Variants in LSAMP observed in about 807,000 individuals in gnomAD.
LSAMP encodes the protein limbic system associated membrane protein.
In LSAMP, 7 loss-of-function variants were observed where a neutral mutation model predicts 38.6. The observed-to-expected ratio is 0.18, with a 90% CI of 0.10 to 0.34. LSAMP has a LOEUF of 0.34. Among genes scored for constraint, LSAMP ranks in the 10% least tolerant of loss-of-function variants. LSAMP has a pLI of 1.00. For missense variants in LSAMP, 313 were observed against 420.0 expected (o/e 0.75, Z 2.23); for synonymous variants, 154 against 166.8 (o/e 0.92, Z 0.59).
At chr3:115,930,813 C>T (rs4362711) in intron 3 of LSAMP, among the ~76,000 whole-genome samples, 60,202 of 151,970 alleles carry the variant, frequency 0.4, 12,352 homozygotes, top group South Asian at 0.62. Flanking sequence ...AACACCCTGA[C>T]ACCACAGGGC....
At chr3:116,218,413 C>A (rs1158056347) in intron 1 of LSAMP, among the ~76,000 whole-genome samples, 3 of 152,156 alleles carry the variant, frequency 2.0e-5, no homozygotes, top group Non-Finnish European at 4.4e-5. Context: ...TGTCACCAGA[C>A]TATATTCACA....
chr3:115,899,331 C>T (rs1405331754), intron 3 of LSAMP, among the ~76,000 whole-genome samples: 8 of 151,954 alleles, frequency 5.3e-5, no homozygotes, highest in South Asian at 4.1e-4. Flanking sequence ...TTTCAGAGGG[C>T]ACTGCCTTCC....
At chr3:115,997,753 T>TATATACATAC (rs1377845663) in intron 3 of LSAMP, among the ~76,000 whole-genome samples, 4 of 124,980 alleles carry the variant, frequency 3.2e-5, no homozygotes, top group Admixed American at 8.4e-5. Context: ...TATATATATA[T>TATATACATAC]ACACACACAT....
At chr3:115,999,242 T>C (rs1270111730) in intron 3 of LSAMP, among the ~76,000 whole-genome samples, 1 of 152,148 alleles carries the variant, frequency 6.6e-6, no homozygotes, top group Non-Finnish European at 1.5e-5. Context: ...GATTTGCAAC[T>C]TGAACAATGT....
intron 1 of LSAMP, among the ~76,000 whole-genome samples, chr3:116,337,613 A>C (rs1454001893): frequency 6.6e-6 from 1 of 152,070 alleles, no homozygotes; most frequent in Non-Finnish European, 1.5e-5. Context: ...GAAGACTCTT[A>C]CTACCTATAA....
At chr3:115,843,220 T>G (rs1242922353) in intron 4 of LSAMP, among the ~76,000 whole-genome samples, 1 of 152,240 alleles carries the variant, frequency 6.6e-6, no homozygotes, top group Non-Finnish European at 1.5e-5. Context: ...TCCTGGTGCA[T>G]AGAAGACTTA....
intron 1 of LSAMP, among the ~76,000 whole-genome samples, chr3:116,127,852 A>T (rs1709042392): frequency 6.6e-6 from 1 of 151,998 alleles, no homozygotes. Flanking sequence ...GTTAATTTTA[A>T]GCAACATTTA....
chr3:116,335,881 T>A (rs950929197), intron 1 of LSAMP, among the ~76,000 whole-genome samples: 3 of 152,038 alleles, frequency 2.0e-5, no homozygotes, highest in Non-Finnish European at 4.4e-5. Flanking sequence ...GAACTTACAG[T>A]TTCTACTCAA....
intron 1 of LSAMP, among the ~76,000 whole-genome samples, chr3:116,416,329 A>G (rs1007842229): frequency 6.6e-6 from 1 of 152,184 alleles, no homozygotes; most frequent in Non-Finnish European, 1.5e-5. Flanking sequence ...TCACAGTTGC[A>G]GTGACATGTA....
At chr3:115,977,489 C>T (rs1348464689) in intron 3 of LSAMP, among the ~76,000 whole-genome samples, 1 of 152,158 alleles carries the variant, frequency 6.6e-6, no homozygotes, top group Non-Finnish European at 1.5e-5. Context: ...CCAGACATGG[C>T]CAGTCACTCT....
intron 1 of LSAMP, among the ~76,000 whole-genome samples, chr3:116,397,541 T>C (rs1398387180): frequency 1.3e-5 from 2 of 152,146 alleles, no homozygotes; most frequent in Non-Finnish European, 1.5e-5. Context: ...CAATGCAAGC[T>C]TCGTGAGGAC....
At chr3:115,811,768 A>G (rs1307088212) in intron 6 of LSAMP, among the ~76,000 whole-genome samples, 1 of 152,172 alleles carries the variant, frequency 6.6e-6, no homozygotes, top group Non-Finnish European at 1.5e-5. Context: ...ACGAAACCAC[A>G]AACGATTATA....
chr3:115,851,867 A>G (rs1935341969), intron 4 of LSAMP, among the ~76,000 whole-genome samples: 1 of 152,190 alleles, frequency 6.6e-6, no homozygotes. Context: ...ACATCTAAGA[A>G]TCCTTTCATC....
intron 1 of LSAMP, among the ~76,000 whole-genome samples, chr3:116,404,072 G>A (rs954698810): frequency 6.6e-6 from 1 of 152,000 alleles, no homozygotes; most frequent in Non-Finnish European, 1.5e-5. Context: ...ATTAAAGGGG[G>A]AAGTATTTTT....
chr3:115,841,195 T>A (rs1299993135), intron 6 of LSAMP, among the ~76,000 whole-genome samples: 1 of 152,214 alleles, frequency 6.6e-6, no homozygotes, highest in Non-Finnish European at 1.5e-5. Context: ...ACTTTCAGGA[T>A]CTTCTCTGGT....
intron 6 of LSAMP, among the ~76,000 whole-genome samples, chr3:115,824,779 T>G (rs1043594355): frequency 6.6e-6 from 1 of 152,094 alleles, no homozygotes; most frequent in African/African-American, 2.4e-5. Flanking sequence ...TCTTAGTTGT[T>G]AAAACATAAA....
intron 1 of LSAMP, among the ~76,000 whole-genome samples, chr3:116,292,112 G>A (rs932117019): frequency 6.6e-6 from 1 of 151,938 alleles, no homozygotes; most frequent in Non-Finnish European, 1.5e-5. Flanking sequence ...ATTTATCTTT[G>A]GTAATCTCCC....
chr3:116,138,559 C>T (rs888210642), intron 1 of LSAMP, among the ~76,000 whole-genome samples: 1 of 152,000 alleles, frequency 6.6e-6, no homozygotes, highest in African/African-American at 2.4e-5. Flanking sequence ...GTCAGAGATG[C>T]CATGGCAATA....
At chr3:116,285,754 G>A (rs558462610) in intron 1 of LSAMP, among the ~76,000 whole-genome samples, 2 of 152,170 alleles carry the variant, frequency 1.3e-5, no homozygotes, top group East Asian at 3.9e-4. Context: ...AAATGTCAAT[G>A]GAAAATAAAA....
Sources: gnomAD v4.1 joint callset for allele counts (sites outside exome capture counted in the v4.1 genomes callset) on GRCh38, gnomAD v4.1.1 for gene constraint, MANE v1.5 for transcripts, NCBI Gene and HGNC (gene_info 2026-07-23, HGNC 2026-07-21) for gene names.